Variants in SLC9A1 observed in about 807,000 individuals in gnomAD.
SLC9A1 encodes solute carrier family 9 member A1, also known as sodium/hydrogen exchanger 1.
SLC9A1 carries 22 observed loss-of-function variants against 67.9 expected under a neutral mutation model. The observed-to-expected ratio is 0.32, with a 90% CI of 0.23 to 0.46. The LOEUF (loss-of-function observed/expected upper bound fraction) is 0.46, where lower values mean the gene tolerates loss of function less well. Ranked by LOEUF, SLC9A1 falls within the 20% of genes least tolerant of loss-of-function variation. The probability of loss-of-function intolerance (pLI) is 1.00; values close to 1 mark genes in which losing one functional copy is unlikely to be tolerated. For synonymous variants in SLC9A1, 421 were observed against 471.8 expected (o/e 0.89, Z 1.40); for missense variants, 686 against 1,094.8 (o/e 0.63, Z 5.27).
chr1:27,136,824 A>T (rs1044538866), intron 1 of SLC9A1, among the ~76,000 whole-genome samples: 2 of 152,188 alleles, frequency 1.3e-5, no homozygotes, highest in Non-Finnish European at 2.9e-5. Context: ...GAAAAGCTTC[A>T]TCTAGTCCCT....
chr1:27,102,103 G>A lies in SLC9A1; in HGVS notation c.1848C>T (p.Ser616=), dbSNP rs199786766. 36 of 1,613,850 alleles carry A rather than the reference G, an allele frequency of 2.2e-5. No homozygotes were observed. The highest frequency in any genetic ancestry group is 8.8e-5 in the South Asian group (8 of 91,094). ...TGGACAGTGCTGGCAGGATGCGCTCGGAAGGCAGGGACTTGGGGTGGATGT... is the reference window on the plus strand; with the variant it reads ...TGGACAGTGCTGGCAGGATGCGCTCAGAAGGCAGGGACTTGGGGTGGATGT... ...MQNIHPKSLP[S]ERILPALSKD... The change falls in exon 9 of 12, where the codon TCC becomes TCT. Residue 616 remains serine (S), a synonymous_variant. Transcript: ENST00000263980.
At chr1:27,110,368 A>G (rs12756425) in intron 2 of SLC9A1, among the ~76,000 whole-genome samples, 63 of 152,146 alleles carry the variant, frequency 4.1e-4, no homozygotes, top group Non-Finnish European at 7.3e-4. Flanking sequence ...CTGAAAATAC[A>G]CATGTTCAGG....
chr1:27,112,069 TCACTAATGTA>T (rs1326443586), intron 2 of SLC9A1, among the ~76,000 whole-genome samples: 1 of 152,176 alleles, frequency 6.6e-6, no homozygotes, highest in Non-Finnish European at 1.5e-5. Context: ...TGAGTATGAC[TCACTAATGTA>T]AGTAATCCTG....
intron 1 of SLC9A1, among the ~76,000 whole-genome samples, chr1:27,141,922 C>T (rs2083455601): frequency 6.6e-6 from 1 of 152,116 alleles, no homozygotes; most frequent in African/African-American, 2.4e-5. Context: ...AAGCACAGCA[C>T]CCAAGTTCAA....
intron 6 of SLC9A1, 26 bp from the exon 7 acceptor site, chr1:27,102,769 AG>A (rs1557736816): frequency 6.2e-7 from 1 of 1,607,886 alleles, no homozygotes; most frequent in African/African-American, 1.3e-5. Context: ...GGCCAAGTCA[AG>A]CCTCGCTGTG....
At chr1:27,108,353 G>C (rs61789274) in intron 3 of SLC9A1, among the ~76,000 whole-genome samples, 145,385 of 145,718 alleles carry the variant, frequency 1, 72,526 homozygotes, top group Non-Finnish European at 1. Flanking sequence ...GGCGACGAGC[G>C]CATGCCCGGC....
At chr1:27,140,574 C>T (rs1019626091) in intron 1 of SLC9A1, among the ~76,000 whole-genome samples, 1 of 152,162 alleles carries the variant, frequency 6.6e-6, no homozygotes, top group Non-Finnish European at 1.5e-5. Context: ...CCCCTTTAGA[C>T]TGGGGAAACT....
rs35565098 is a variant in SLC9A1 at position 27,118,794 on chromosome 1, T to C, written c.353-4508A>G. On this transcript the variant is annotated intron_variant, in intron 1 of 11. Transcript: ENST00000263980. This position sits in a 1 kb window ranked among gnomAD's most constrained non-coding sequence, Gnocchi z 4.3. ...GGGAAATGGAGACAGAGACAGCCAG[T>C]GACCTGTCAATGATCACATGTCCAG... Among the ~76,000 whole-genome samples the C allele has an allele frequency of 0.34, 51,282 of 151,852 alleles. 9,089 individuals are homozygous for C. The highest frequency in any genetic ancestry group is 0.38 in the Non-Finnish European group (25,650 of 67,904).
chr1:27,102,467 T>C lies in SLC9A1; in HGVS notation c.1738A>G (p.Met580Val). The C allele has an allele frequency of 6.2e-7, 1 of 1,611,724 alleles. No homozygotes were observed. The highest frequency in any genetic ancestry group is 8.5e-7 in the Non-Finnish European group (1 of 1,178,478). The change falls in exon 8 of 12, where the codon ATG (methionine) becomes GTG (valine). Residue 580 changes from methionine (M) to valine (V), a missense_variant. Coordinates refer to ENST00000263980, the MANE Select transcript of SLC9A1 (RefSeq NM_003047.5). ...AGCTCGATGGCCTGCTTCATCTCCA[T>C]CTTGTGGTAGAAGGCAATGAGCTGG... ...EPQLIAFYHK[M>V]EMKQAIELVE...
At chr1:27,136,447 C>T (rs148701752) in intron 1 of SLC9A1, among the ~76,000 whole-genome samples, 145 of 152,362 alleles carry the variant, frequency 9.5e-4, no homozygotes, top group South Asian at 7.9e-3. Flanking sequence ...CACACTGCCT[C>T]ACACTTTCCC....
intron 2 of SLC9A1, 29 bp downstream of exon 2, chr1:27,113,797 G>T: frequency 6.4e-7 from 1 of 1,565,094 alleles, no homozygotes; most frequent in South Asian, 1.1e-5. Context: ...GTACCGTTTG[G>T]ACATGGGCAT....
chr1:27,133,331 AAGTGCTGTGATTACAGGCATG>A (rs371118058), intron 1 of SLC9A1, among the ~76,000 whole-genome samples: 164 of 152,150 alleles, frequency 1.1e-3, no homozygotes, highest in African/African-American at 3.5e-3. Context: ...TGGCCTCCCA[AAGTGCTGTGATTACAGGCATG>A]AGCCATCACA....
intron 1 of SLC9A1, among the ~76,000 whole-genome samples, chr1:27,150,481 G>T (rs2083519193): frequency 6.6e-6 from 1 of 152,190 alleles, no homozygotes; most frequent in African/African-American, 2.4e-5. Context: ...ACTAGCCTGG[G>T]AGTCAGGTGA....
chr1:27,104,025 T>G (rs550729833), intron 5 of SLC9A1: 1 of 151,620 alleles, frequency 6.6e-6, no homozygotes, highest in Admixed American at 6.6e-5. Flanking sequence ...GTAAAAAAAA[T>G]TTTTTGAAGA....
At chr1:27,127,162 A>G (rs950879144) in intron 1 of SLC9A1, among the ~76,000 whole-genome samples, 20 of 151,964 alleles carry the variant, frequency 1.3e-4, no homozygotes, top group African/African-American at 4.6e-4. Context: ...CACCATGCCT[A>G]GCTAGTTTTT....
rs553111299 is a variant in SLC9A1, at chr1:27,138,523, G to A, written c.352+15460C>T. On this transcript the variant is annotated intron_variant, in intron 1 of 11. Coordinates refer to ENST00000263980, the MANE Select transcript of SLC9A1 (RefSeq NM_003047.5). ...ATCCAGAATAGTGTCTGACATGGGGGTAGAGGCAGCTGGTGGGGCGTGTGC... is the reference window on the plus strand; with the variant it reads ...ATCCAGAATAGTGTCTGACATGGGGATAGAGGCAGCTGGTGGGGCGTGTGC... 3.8e-4 allele frequency among the ~76,000 whole-genome samples: 58 copies of A among 152,270 alleles called. 1 individual carries two copies. In the South Asian group the frequency reaches 0.01, roughly 27 times the overall value.
intron 1 of SLC9A1, among the ~76,000 whole-genome samples, chr1:27,146,724 G>A (rs925969273): frequency 1.3e-5 from 2 of 152,184 alleles, no homozygotes; most frequent in African/African-American, 4.8e-5. Context: ...AAGCTGCAGT[G>A]AGCCGTCTTT....
chr1:27,145,657 G>A (rs150348476), intron 1 of SLC9A1, among the ~76,000 whole-genome samples: 1 of 152,320 alleles, frequency 6.6e-6, no homozygotes, highest in East Asian at 1.9e-4. Flanking sequence ...CAAGGGACAG[G>A]GAAGGGGGCC....
At chr1:27,150,269 C>A (rs913588541) in intron 1 of SLC9A1, among the ~76,000 whole-genome samples, 12 of 152,066 alleles carry the variant, frequency 7.9e-5, no homozygotes, top group Admixed American at 3.9e-4. Flanking sequence ...ATTCGCCTTG[C>A]AAAGACCAAA....
Sources: gnomAD v4.1 joint callset for allele counts (sites outside exome capture counted in the v4.1 genomes callset) on GRCh38, gnomAD v4.1.1 for gene constraint, Gnocchi (gnomAD v3.1) non-coding constraint, MANE v1.5 for transcripts, NCBI Gene and HGNC (gene_info 2026-07-23, HGNC 2026-07-21) for gene names.